SOX5: variants seen among roughly 807,000 people sequenced by gnomAD.
SOX5 encodes transcription factor SOX-5.
In SOX5, 9 loss-of-function variants were observed where a neutral mutation model predicts 92.0. The observed-to-expected ratio is 0.10, with a 90% CI of 0.06 to 0.17. SOX5 has a LOEUF of 0.17. Among genes scored for constraint, SOX5 ranks in the 10% least tolerant of loss-of-function variants. SOX5 has a pLI of 1.00. For missense variants in SOX5, 642 were observed against 944.5 expected (o/e 0.68, Z 4.20); for synonymous variants, 344 against 336.3 (o/e 1.02, Z -0.25).
chr12:23,591,392 T>C (rs4385981), intron 9 of SOX5, among the ~76,000 whole-genome samples: 151,111 of 152,216 alleles, frequency 0.99, 75,014 homozygotes, highest in East Asian at 1. Flanking sequence ...AGATAGAAGA[T>C]GTTTCTAATG....
At chr12:23,622,849 C>T (rs139694475) in intron 8 of SOX5, among the ~76,000 whole-genome samples, 58 of 152,006 alleles carry the variant, frequency 3.8e-4, no homozygotes, top group Middle Eastern at 3.4e-3. Context: ...AAATCAGAAA[C>T]GAAATTCAGA....
At chr12:23,886,715 A>G (rs1173820849) in intron 2 of SOX5, among the ~76,000 whole-genome samples, 3 of 152,162 alleles carry the variant, frequency 2.0e-5, no homozygotes, top group Admixed American at 6.5e-5. Context: ...ACCAATCTCT[A>G]TAAAATCTCA....
In SOX5 at chr12:23,970,841, A is replaced by ATATATATATTTTTTTTTTT; in HGVS notation, c.-1-74818_-1-74817insAAAAAAAAAAATATATATA. 1.8e-4 allele frequency among the ~76,000 whole-genome samples: 4 copies of ATATATATATTTTTTTTTTT among 21,884 alleles called. 2 individuals are homozygous for ATATATATATTTTTTTTTTT. In the East Asian group the frequency reaches 3.5e-3, roughly 19 times the overall value. 14.4% of individuals were successfully genotyped at this position (21,884 alleles called of 152,430 possible). A position where few individuals can be genotyped will look rare whatever the true frequency, so the allele number is the denominator to read the frequency against. On this transcript the variant is annotated intron_variant, in intron 4 of 4. Coordinates refer to the SOX5 transcript ENST00000446891. ...ACATGGGACTTTATATATATATATA[A>ATATATATATTTTTTTTTTT]TTTTTTTTTTTTTTTAAGAAATGGG...
intron 1 of SOX5, among the ~76,000 whole-genome samples, chr12:23,940,293 A>AAG (rs2139507535): frequency 6.6e-6 from 1 of 151,354 alleles, no homozygotes; most frequent in South Asian, 2.1e-4. Context: ...AATCCTAAAT[A>AAG]AGAATTATAC....
At chr12:24,483,328 A>C (rs1946193895) in intron 1 of SOX5, among the ~76,000 whole-genome samples, 1 of 152,176 alleles carries the variant, frequency 6.6e-6, no homozygotes, top group Non-Finnish European at 1.5e-5. Flanking sequence ...GCTCTATGGC[A>C]ATTTTCTCTT....
intron 4 of SOX5, among the ~76,000 whole-genome samples, chr12:24,164,092 G>T (rs780939210): frequency 2.6e-4 from 39 of 152,138 alleles, no homozygotes; most frequent in Non-Finnish European, 2.2e-4. Flanking sequence ...TGGTCTCAGA[G>T]AATGATCTAT....
intron 8 of SOX5, among the ~76,000 whole-genome samples, chr12:23,612,596 T>C (rs1488112568): frequency 1.3e-5 from 2 of 152,156 alleles, no homozygotes; most frequent in Non-Finnish European, 2.9e-5. Context: ...GTTTGAAATG[T>C]GGCAAGAACA....
intron 2 of SOX5, among the ~76,000 whole-genome samples, chr12:24,289,968 C>T (rs1331788318): frequency 6.6e-6 from 1 of 152,172 alleles, no homozygotes; most frequent in Non-Finnish European, 1.5e-5. Flanking sequence ...CTTTCAATCA[C>T]CATGTGGGAA....
At chr12:23,578,766 G>GT (rs200262161) in intron 9 of SOX5, among the ~76,000 whole-genome samples, 1,765 of 152,232 alleles carry the variant, frequency 0.012, 17 homozygotes, top group Non-Finnish European at 0.019. Context: ...TCCAGGCACT[G>GT]TTTTCCCCTA....
At chr12:23,779,814 T>TATATATATATATATACACACAC (rs777013504) in intron 3 of SOX5, among the ~76,000 whole-genome samples, 5 of 110,810 alleles carry the variant, frequency 4.5e-5, no homozygotes, top group African/African-American at 1.9e-4. Flanking sequence ...TATATATATA[T>TATATATATATATATACACACAC]ACACACACAC....
chr12:24,034,925 T>C (rs546043616), intron 4 of SOX5, among the ~76,000 whole-genome samples: 5 of 152,200 alleles, frequency 3.3e-5, no homozygotes, highest in Admixed American at 3.3e-4. Flanking sequence ...CTAATAGAGC[T>C]GTTTTAAGTT....
intron 4 of SOX5, among the ~76,000 whole-genome samples, chr12:24,099,198 T>C (rs1044464999): frequency 6.6e-6 from 1 of 152,160 alleles, no homozygotes; most frequent in East Asian, 1.9e-4. Flanking sequence ...CATTTAAAAA[T>C]ATTCAGGCTG....
chr12:23,981,406 A>T (rs1251009440), intron 4 of SOX5, among the ~76,000 whole-genome samples: 2 of 152,214 alleles, frequency 1.3e-5, no homozygotes, highest in East Asian at 3.8e-4. Flanking sequence ...GGTGGTGGTG[A>T]TGTGGTAATT....
intron 3 of SOX5, among the ~76,000 whole-genome samples, chr12:23,801,532 T>A (rs191594881): frequency 6.6e-6 from 1 of 152,206 alleles, no homozygotes; most frequent in Admixed American, 6.5e-5. Flanking sequence ...TTTACGTACA[T>A]TTTGTGAGTA....
chr12:24,233,411 G>T (rs1044426950), intron 3 of SOX5, among the ~76,000 whole-genome samples: 2 of 152,042 alleles, frequency 1.3e-5, no homozygotes, highest in Non-Finnish European at 2.9e-5. Flanking sequence ...CAGAAACACA[G>T]AAACCATAGC....
intron 2 of SOX5, among the ~76,000 whole-genome samples, chr12:24,353,918 C>T (rs982703026): frequency 5.3e-5 from 8 of 152,178 alleles, no homozygotes; most frequent in East Asian, 1.9e-4. Flanking sequence ...GGATTACAGG[C>T]GTGAGCCACC....
chr12:23,960,334 T>C (rs970977131), intron 4 of SOX5, among the ~76,000 whole-genome samples: 7 of 152,000 alleles, frequency 4.6e-5, no homozygotes, highest in African/African-American at 1.7e-4. Context: ...TATAAATGTA[T>C]ACTGAAACAA....
At chr12:23,755,785 T>A in intron 3 of SOX5, 61 bp from the exon 4 acceptor site, 1 of 1,105,064 alleles carries the variant, frequency 9.0e-7, no homozygotes, top group African/African-American at 1.7e-5. Context: ...TGGAGCTCAT[T>A]AAAAGTCTAT....
intron 1 of SOX5, among the ~76,000 whole-genome samples, chr12:24,388,886 T>A (rs1333808668): frequency 6.6e-6 from 1 of 152,206 alleles, no homozygotes; most frequent in East Asian, 1.9e-4. Flanking sequence ...CTCTTGTGAC[T>A]GGCTTCTTCC....
Sources: allele counts gnomAD v4.1 joint callset (sites outside exome capture counted in the v4.1 genomes callset), GRCh38; gene constraint gnomAD v4.1.1; transcripts MANE v1.5; gene names NCBI Gene and HGNC (gene_info 2026-07-23, HGNC 2026-07-21).